NAALADL2: variants seen among roughly 807,000 people sequenced by gnomAD.
NAALADL2 encodes the protein inactive N-acetylated-alpha-linked acidic dipeptidase-like protein 2.
A neutral mutation model predicts 87.2 loss-of-function variants in NAALADL2; 76 were observed. That is an observed-to-expected ratio of 0.87 (90% CI 0.72 to 1.05). The LOEUF is 1.05. NAALADL2 is among the 50% of genes least tolerant of loss of function. NAALADL2 has a pLI of 0.00. For missense variants in NAALADL2, 1,089 were observed against 945.8 expected, an observed-to-expected ratio of 1.15 and a Z score of -1.99; for synonymous variants, 354 against 331.0, an observed-to-expected ratio of 1.07 and a Z score of -0.75.
In NAALADL2 at chr3:174,966,627, T is replaced by C. The variant is rs551427675; in HGVS notation, c.43+107177T>C. ...ATTGTTAGATGGCGGTAACAGAGAA[T>C]AGGAAAGGAAGAAACAAGATGAAGA... On this transcript the variant is annotated intron_variant, in intron 1 of 13. Coordinates refer to ENST00000454872, the MANE Select transcript of NAALADL2 (RefSeq NM_207015.3). 3.3e-5 allele frequency among the ~76,000 whole-genome samples: 5 copies of C among 152,164 alleles called. No homozygotes were observed. In the South Asian group the frequency reaches 1.0e-3, roughly 32 times the overall value.
intron 1 of NAALADL2, among the ~76,000 whole-genome samples, chr3:175,040,955 G>A (rs548660185): frequency 2.6e-5 from 4 of 152,210 alleles, no homozygotes; most frequent in African/African-American, 9.6e-5. Flanking sequence ...GCATGCCACT[G>A]CATATTTACA....
intron 1 of NAALADL2, among the ~76,000 whole-genome samples, chr3:174,913,943 AAAAC>A (rs1734032785): frequency 6.6e-6 from 1 of 152,126 alleles, no homozygotes; most frequent in Admixed American, 6.5e-5. Flanking sequence ...CAGCCTAAGA[AAAAC>A]AAAATTCTAG....
At chr3:174,642,659 C>A (rs9824107) in intron 2 of NAALADL2, among the ~76,000 whole-genome samples, 25,001 of 150,528 alleles carry the variant, frequency 0.17, 2,152 homozygotes, top group South Asian at 0.27. Flanking sequence ...TTGTCAGAGA[C>A]CTCTTGCAGT....
At chr3:175,079,815 C>A (rs538252328) in intron 1 of NAALADL2, among the ~76,000 whole-genome samples, 2 of 151,492 alleles carry the variant, frequency 1.3e-5, no homozygotes, top group South Asian at 4.2e-4. Flanking sequence ...CACACACGTA[C>A]GTAAACACAT....
chr3:175,796,634 T>C (rs190474104), intron 13 of NAALADL2, among the ~76,000 whole-genome samples: 1 of 152,352 alleles, frequency 6.6e-6, no homozygotes, highest in Non-Finnish European at 1.5e-5. Flanking sequence ...GTACAGTTAG[T>C]ATAATCCCTA....
intron 9 of NAALADL2, among the ~76,000 whole-genome samples, chr3:175,573,718 A>T (rs562077349): frequency 6.6e-6 from 1 of 152,324 alleles, no homozygotes; most frequent in African/African-American, 2.4e-5. Context: ...CCAGCTTAAT[A>T]TAAAATCCCC....
intron 3 of NAALADL2, among the ~76,000 whole-genome samples, chr3:174,832,092 T>A (rs1722780027): frequency 6.6e-6 from 1 of 152,186 alleles, no homozygotes; most frequent in Non-Finnish European, 1.5e-5. Flanking sequence ...GAAGGGTTTT[T>A]TGTGTCTCTA....
At chr3:175,556,148 T>C (rs116468045) in intron 9 of NAALADL2, among the ~76,000 whole-genome samples, 2,273 of 152,244 alleles carry the variant, frequency 0.015, 52 homozygotes, top group African/African-American at 0.049. Flanking sequence ...AGCCTGTCTC[T>C]TGCTTCCTCC....
rs180872645 is a variant in NAALADL2 at position 175,640,994 on chromosome 3, A to G, written c.1896+13608A>G. On this transcript the variant is annotated intron_variant, in intron 11 of 13. Coordinates refer to ENST00000454872, the MANE Select transcript of NAALADL2 (RefSeq NM_207015.3). ...CTCCATTCTTTAGCAAATGACTGAG[A>G]AGTCCTATGAAAGTCAGGGGTAAAA... 9.2e-5 allele frequency among the ~76,000 whole-genome samples: 14 copies of G among 152,284 alleles called. No individual in the cohort carries two copies. The East Asian group carries it at 1.9e-3, about 21-fold the overall frequency.
intron 1 of NAALADL2, among the ~76,000 whole-genome samples, chr3:174,984,103 G>C (rs1043840956): frequency 7.4e-5 from 11 of 149,108 alleles, no homozygotes; most frequent in African/African-American, 2.8e-4. Flanking sequence ...AGAAGCGCTT[G>C]AGATGTTTTA....
At chr3:175,535,709 A>C (rs568777300) in intron 9 of NAALADL2, among the ~76,000 whole-genome samples, 1 of 152,184 alleles carries the variant, frequency 6.6e-6, no homozygotes, top group Non-Finnish European at 1.5e-5. Context: ...TTTATATACT[A>C]TAGGAACATA....
intron 1 of NAALADL2, among the ~76,000 whole-genome samples, chr3:174,485,380 A>G (rs1270526635): frequency 6.6e-6 from 1 of 150,734 alleles, no homozygotes; most frequent in Non-Finnish European, 1.5e-5. Context: ...TGTTTTACAG[A>G]TTATTTTGTC....
At chr3:174,797,043 C>A (rs977471223) in intron 3 of NAALADL2, among the ~76,000 whole-genome samples, 52 of 152,036 alleles carry the variant, frequency 3.4e-4, no homozygotes, top group African/African-American at 1.1e-3. Context: ...GAGCAATCTC[C>A]AGAAGAGTTC....
At chr3:175,390,975 A>G (rs189460099) in intron 5 of NAALADL2, among the ~76,000 whole-genome samples, 5 of 152,256 alleles carry the variant, frequency 3.3e-5, no homozygotes, top group African/African-American at 9.6e-5. Context: ...TCTTCCCACA[A>G]TTATGTCCCA....
chr3:174,454,111 C>G (rs1388570754), intron 1 of NAALADL2, among the ~76,000 whole-genome samples: 2 of 151,902 alleles, frequency 1.3e-5, no homozygotes, highest in Non-Finnish European at 2.9e-5. Context: ...TAATTTTAGA[C>G]AAAAGACTAT....
intron 1 of NAALADL2, among the ~76,000 whole-genome samples, chr3:174,506,183 C>CTTT (rs58179047): frequency 4.1e-4 from 58 of 141,154 alleles, no homozygotes; most frequent in Middle Eastern, 3.6e-3. Flanking sequence ...TGGTTTATAT[C>CTTT]TTTTTTTTTT....
intron 2 of NAALADL2, among the ~76,000 whole-genome samples, chr3:174,601,949 T>C (rs761760650): frequency 1.3e-4 from 20 of 152,152 alleles, no homozygotes; most frequent in Non-Finnish European, 2.2e-4. Context: ...GAAAATGAGT[T>C]CACTGTAGAT....
chr3:175,765,718 G>C (rs192153475), intron 13 of NAALADL2, among the ~76,000 whole-genome samples: 142 of 152,228 alleles, frequency 9.3e-4, no homozygotes, highest in African/African-American at 3.2e-3. Context: ...GTTTTGACTT[G>C]ATGATGCATT....
chr3:175,774,721 A>C (rs1346406364), intron 13 of NAALADL2, among the ~76,000 whole-genome samples: 5 of 152,086 alleles, frequency 3.3e-5, no homozygotes, highest in Non-Finnish European at 5.9e-5. Flanking sequence ...ATAATATGAA[A>C]TGTAGTTAGT....
Sources: gnomAD v4.1 joint callset for allele counts (sites outside exome capture counted in the v4.1 genomes callset) on GRCh38, gnomAD v4.1.1 for gene constraint, MANE v1.5 for transcripts, NCBI Gene and HGNC (gene_info 2026-07-23, HGNC 2026-07-21) for gene names.